Variants in TMEM181 observed in about 807,000 individuals in gnomAD.
The protein encoded by TMEM181 is G protein-coupled receptor 178.
A neutral mutation model predicts 71.9 loss-of-function variants in TMEM181; 39 were observed. The observed-to-expected ratio is 0.54, with a 90% CI of 0.42 to 0.71. The LOEUF is 0.71. Among genes scored for constraint, TMEM181 ranks in the 30% least tolerant of loss-of-function variants. The pLI is 0.00. For missense variants in TMEM181, 595 were observed against 583.0 expected, an observed-to-expected ratio of 1.02 and a Z score of -0.21; for synonymous variants, 245 against 228.8, an observed-to-expected ratio of 1.07 and a Z score of -0.64.
At chr6:158,622,894 C>G (rs967039050) in intron 10 of TMEM181, among the ~76,000 whole-genome samples, 5 of 152,236 alleles carry the variant, frequency 3.3e-5, no homozygotes, top group African/African-American at 1.2e-4. Context: ...TGTCCACACA[C>G]TTTCAAGCCC....
intron 1 of TMEM181, among the ~76,000 whole-genome samples, chr6:158,566,896 C>A (rs1461078411): frequency 1.3e-5 from 2 of 152,082 alleles, no homozygotes; most frequent in Non-Finnish European, 2.9e-5. Context: ...TGAGGGGAGA[C>A]CTGGCTCACG....
rs561553672 is a variant in TMEM181 at position 158,554,940 on chromosome 6, A to T, written c.131+18075A>T. Among the ~76,000 whole-genome samples the T allele has an allele frequency of 1.2e-4, 19 of 152,340 alleles. No individual in the cohort carries two copies. The South Asian group carries it at 3.7e-3, about 30-fold the overall frequency. ...AGATGGTGGGCGAAGATTTTGGACA[A>T]AGCAGTTTGGTTTTTAAAAATCTCT... On this transcript the variant is annotated intron_variant, in intron 1 of 16. Coordinates refer to the TMEM181 transcript ENST00000367090.
intron 10 of TMEM181, chr6:158,610,123 G>A (rs1266533877): frequency 2.7e-5 from 6 of 221,560 alleles, no homozygotes; most frequent in African/African-American, 4.6e-5. Flanking sequence ...CTCTAGAGAC[G>A]CAGCCAGCTC....
In TMEM181 at chr6:158,628,145, C is replaced by T. The variant is rs942539007; in HGVS notation, c.1110-263C>T. On this transcript the variant is annotated intron_variant, in intron 13 of 16. Coordinates refer to ENST00000684151, the MANE Select transcript of TMEM181 (RefSeq NM_001376852.1). Reference sequence around the variant, plus strand: ...CCGAGTAGGGAGAGTGTGATGGGGCCTGCAGCAGGGTTCATCCTGTCCCTG... The same window carrying T: ...CCGAGTAGGGAGAGTGTGATGGGGCTTGCAGCAGGGTTCATCCTGTCCCTG... 4.2e-5 allele frequency: 27 copies of T among 638,668 alleles called. 1 individual carries two copies. Among genetic ancestry groups the T allele is most frequent in the South Asian group, 4.0e-4 (26 of 65,260 alleles). The allele number at this position is 638,668 out of a possible 1,614,324, so 39.6% of individuals were successfully genotyped here. A position where few individuals can be genotyped will look rare whatever the true frequency, so the allele number is the denominator to read the frequency against.
chr6:158,614,794 A>T (rs1336270622), intron 10 of TMEM181, among the ~76,000 whole-genome samples: 1 of 152,202 alleles, frequency 6.6e-6, no homozygotes, highest in Non-Finnish European at 1.5e-5. Context: ...AGCTTCATCC[A>T]TGTCCCTGCA....
intron 6 of TMEM181, among the ~76,000 whole-genome samples, chr6:158,592,101 G>A (rs903752722): frequency 1.3e-5 from 2 of 152,144 alleles, no homozygotes; most frequent in Non-Finnish European, 2.9e-5. Flanking sequence ...AGACCCTTGG[G>A]ATTTGTAAGG....
intron 1 of TMEM181, among the ~76,000 whole-genome samples, chr6:158,553,255 C>G (rs1024141176): frequency 6.6e-6 from 1 of 151,598 alleles, no homozygotes; most frequent in Non-Finnish European, 1.5e-5. Flanking sequence ...ATTTAACATA[C>G]CATAAAACTT....
At chr6:158,541,818 A>G (rs528959450) in intron 1 of TMEM181, among the ~76,000 whole-genome samples, 3 of 126,584 alleles carry the variant, frequency 2.4e-5, no homozygotes, top group Non-Finnish European at 3.5e-5. Flanking sequence ...CAGTGTAACT[A>G]TTGACTGACA....
chr6:158,611,408 C>T, intron 10 of TMEM181: 1 of 539,120 alleles, frequency 1.9e-6, no homozygotes, highest in Non-Finnish European at 3.8e-6. Flanking sequence ...CCAGGTAGAT[C>T]ATTGTGGAGC....
intron 3 of TMEM181, 99 bp downstream of exon 3, chr6:158,581,094 C>T (rs943970802): frequency 5.8e-5 from 69 of 1,186,846 alleles, no homozygotes; most frequent in Non-Finnish European, 8.1e-5. Context: ...GTAGCCTTCC[C>T]TTGCCTTGCG....
At chr6:158,590,233 G>C (rs879657943) in intron 6 of TMEM181, among the ~76,000 whole-genome samples, 2 of 152,076 alleles carry the variant, frequency 1.3e-5, no homozygotes, top group African/African-American at 4.8e-5. Context: ...GAGGAGTGGG[G>C]GTTTAGACTG....
intron 1 of TMEM181, among the ~76,000 whole-genome samples, chr6:158,571,692 T>C (rs1321864519): frequency 6.6e-6 from 1 of 152,218 alleles, no homozygotes; most frequent in Non-Finnish European, 1.5e-5. Flanking sequence ...AGGAGACACT[T>C]CTTCCTGGGC....
At chr6:158,596,823 G>A (rs12662316) in intron 6 of TMEM181, among the ~76,000 whole-genome samples, 55,571 of 151,946 alleles carry the variant, frequency 0.37, 11,320 homozygotes, top group East Asian at 0.75. Flanking sequence ...ATCAGGTCTC[G>A]TGAGACTTAT....
chr6:158,625,764 C>T lies in TMEM181; in HGVS notation c.1109+10C>T, dbSNP rs746571271. 1.9e-6 allele frequency: 3 copies of T among 1,606,598 alleles called. No individual in the cohort carries two copies. The South Asian group carries it at 3.4e-5, about 18-fold the overall frequency. On this transcript the variant is annotated intron_variant, in intron 13 of 16. Transcript: ENST00000684151. Reference sequence around the variant, plus strand: ...TAGTACTTGTCATTAGGTAAGAAGACCTTATTTCTTGAAAACAGCAAAACG... The same window carrying T: ...TAGTACTTGTCATTAGGTAAGAAGATCTTATTTCTTGAAAACAGCAAAACG...
rs776605296 is a variant in TMEM181, at chr6:158,631,868, G to A, written c.1408G>A (p.Glu470Lys). The change falls in exon 17 of 17, where the codon GAG (glutamate) becomes AAG (lysine). Residue 470 changes from glutamate to lysine, a missense_variant. By Grantham distance (56) the Glu-to-Lys change is moderately conservative. Transcript: ENST00000684151. ...CCAGGCCATCCGGGCCAAGTACAAGGAGGAGTCAGATAGTGACTGAGCCCC... is the reference window on the plus strand; with the variant it reads ...CCAGGCCATCCGGGCCAAGTACAAGAAGGAGTCAGATAGTGACTGAGCCCC... ...NGQAIRAKYK[E>K]ESDSD 1.3e-6 allele frequency: 2 copies of A among 1,595,522 alleles called. No homozygotes were observed. The highest frequency in any genetic ancestry group is 1.7e-6 in the Non-Finnish European group (2 of 1,170,604).
At position 158,629,696 on chromosome 6, in the gene TMEM181, C is replaced by T. The variant is rs781107701; in HGVS notation, c.1193-34C>T. 3 of 1,552,258 alleles carry T rather than the reference C, an allele frequency of 1.9e-6. No homozygotes were observed. The Admixed American group carries it at 5.3e-5, about 27-fold the overall frequency. On this transcript the variant is annotated intron_variant, in intron 14 of 16. Coordinates refer to ENST00000684151, the MANE Select transcript of TMEM181 (RefSeq NM_001376852.1). Reference sequence around the variant, plus strand: ...TAGGCAGAGCCTCTGACTGATGTGTCCAGATGCCGCGTTCCTTCCCTTGAC... The same window carrying T: ...TAGGCAGAGCCTCTGACTGATGTGTTCAGATGCCGCGTTCCTTCCCTTGAC...
At chr6:158,615,649 A>G (rs1461240044) in intron 10 of TMEM181, among the ~76,000 whole-genome samples, 2 of 152,144 alleles carry the variant, frequency 1.3e-5, no homozygotes, top group Non-Finnish European at 2.9e-5. Context: ...TCCATCTTGA[A>G]TTAATTTTTG....
At position 158,573,503 on chromosome 6, in the gene TMEM181, C is replaced by G. The variant is rs1782992973; in HGVS notation, c.92C>G (p.Thr31Ser). ...GTCTTCTTCATCTGCTTTGGCCTGACCATCTTCGTTGGGATCAGAGGTAAG... is the reference window on the plus strand; with the variant it reads ...GTCTTCTTCATCTGCTTTGGCCTGAGCATCTTCGTTGGGATCAGAGGTAAG... The part of the protein sequence containing the change: ...FVVFFICFGL[T>S]IFVGIRGPKV... The change falls in exon 2 of 17, where the codon ACC (threonine) becomes AGC (serine). Residue 31 changes from threonine to serine, a missense_variant. Transcript: ENST00000684151. 5.0e-6 allele frequency: 8 copies of G among 1,607,440 alleles called. 1 individual carries two copies. In the South Asian group the frequency reaches 8.9e-5, roughly 18 times the overall value.
At chr6:158,618,726 G>T (rs1278015096) in intron 10 of TMEM181, among the ~76,000 whole-genome samples, 2 of 152,148 alleles carry the variant, frequency 1.3e-5, no homozygotes, top group Non-Finnish European at 2.9e-5. Flanking sequence ...GTCTGTAAAG[G>T]ATTTTATTTC....
Sources: allele counts gnomAD v4.1 joint callset (sites outside exome capture counted in the v4.1 genomes callset), GRCh38; gene constraint gnomAD v4.1.1; transcripts MANE v1.5; gene names NCBI Gene and HGNC (gene_info 2026-07-23, HGNC 2026-07-21).